PARD3B: variants seen among roughly 807,000 people sequenced by gnomAD.
PARD3B encodes the protein partitioning defective 3 homolog B.
Under a neutral mutation model 130.2 loss-of-function variants are expected in PARD3B, and 103 were observed. The observed-to-expected ratio is 0.79, with a 90% CI of 0.67 to 0.93. The LOEUF (loss-of-function observed/expected upper bound fraction) is 0.93. Among genes scored for constraint, PARD3B ranks in the 40% least tolerant of loss-of-function variants. PARD3B has a pLI of 0.00. For synonymous variants in PARD3B, 583 were observed against 553.2 expected (o/e 1.05, Z -0.76); for missense variants, 1,609 against 1,499.2 (o/e 1.07, Z -1.21).
At chr2:205,028,431 G>T (rs952825966) in intron 3 of PARD3B, among the ~76,000 whole-genome samples, 4 of 151,994 alleles carry the variant, frequency 2.6e-5, no homozygotes, top group Admixed American at 2.6e-4. Context: ...AACAAATTAG[G>T]TATAGAATGA....
intron 15 of PARD3B, among the ~76,000 whole-genome samples, chr2:205,220,316 C>T (rs1402936291): frequency 6.6e-6 from 1 of 152,192 alleles, no homozygotes; most frequent in Non-Finnish European, 1.5e-5. Flanking sequence ...CAGGCTCCCT[C>T]TCACACTGAG....
intron 21 of PARD3B, among the ~76,000 whole-genome samples, chr2:205,541,859 G>C (rs1183766625): frequency 2.0e-5 from 3 of 151,764 alleles, no homozygotes; most frequent in Non-Finnish European, 4.4e-5. Flanking sequence ...CACATGTTTG[G>C]CTGGCCAGAC....
intron 6 of PARD3B, among the ~76,000 whole-genome samples, chr2:205,113,988 C>A (rs931241028): frequency 2.0e-5 from 3 of 152,036 alleles, no homozygotes; most frequent in African/African-American, 4.8e-5. Context: ...AAGTATGTAG[C>A]ATTTAGAATA....
intron 2 of PARD3B, among the ~76,000 whole-genome samples, chr2:204,832,434 G>A (rs1559181106): frequency 6.6e-6 from 1 of 152,036 alleles, no homozygotes; most frequent in Non-Finnish European, 1.5e-5. Flanking sequence ...TTGAATCATC[G>A]CATGGTGTAT....
chr2:204,871,074 T>C (rs1278089864), intron 2 of PARD3B, among the ~76,000 whole-genome samples: 1 of 152,200 alleles, frequency 6.6e-6, no homozygotes, highest in African/African-American at 2.4e-5. Context: ...CATTAAAGTT[T>C]AGGGAAATGC....
intron 18 of PARD3B, among the ~76,000 whole-genome samples, chr2:205,369,436 G>A (rs975586112): frequency 6.6e-6 from 1 of 152,094 alleles, no homozygotes; most frequent in South Asian, 2.1e-4. Context: ...CTCACAGGCT[G>A]GCACACAGCT....
At chr2:204,588,307 G>A (rs992563078) in intron 1 of PARD3B, among the ~76,000 whole-genome samples, 4 of 152,280 alleles carry the variant, frequency 2.6e-5, no homozygotes, top group Non-Finnish European at 4.4e-5. Flanking sequence ...ATGAGATAAA[G>A]GTGGCCTGTA....
At chr2:204,659,973 G>A (rs2035749552) in intron 1 of PARD3B, among the ~76,000 whole-genome samples, 1 of 152,098 alleles carries the variant, frequency 6.6e-6, no homozygotes, top group African/African-American at 2.4e-5. Flanking sequence ...AAGACTTTGA[G>A]CCAAACTTAT....
chr2:205,546,110 CT>C (rs2052368066), intron 21 of PARD3B, among the ~76,000 whole-genome samples: 1 of 152,180 alleles, frequency 6.6e-6, no homozygotes, highest in African/African-American at 2.4e-5. Context: ...CTAAAAGCAC[CT>C]TAATTCAACA....
intron 2 of PARD3B, among the ~76,000 whole-genome samples, chr2:204,732,224 A>G (rs189176600): frequency 6.6e-6 from 1 of 152,146 alleles, no homozygotes; most frequent in Non-Finnish European, 1.5e-5. Flanking sequence ...AGATTGGATT[A>G]TGAAACTGGA....
chr2:204,938,465 C>T (rs1688637386), intron 2 of PARD3B, among the ~76,000 whole-genome samples: 1 of 152,188 alleles, frequency 6.6e-6, no homozygotes, highest in African/African-American at 2.4e-5. Context: ...GCTTAAATAT[C>T]ACCAATTCAG....
chr2:205,315,054 T>C (rs1219455455), intron 18 of PARD3B, among the ~76,000 whole-genome samples: 3 of 152,240 alleles, frequency 2.0e-5, no homozygotes, highest in African/African-American at 7.2e-5. Context: ...ACTTACTAAC[T>C]GATTTGCCTG....
intron 2 of PARD3B, among the ~76,000 whole-genome samples, chr2:204,811,440 G>C (rs1382096619): frequency 6.6e-6 from 1 of 152,058 alleles, no homozygotes; most frequent in Non-Finnish European, 1.5e-5. Flanking sequence ...ATGGTACCTG[G>C]CACAGAGTTT....
At chr2:205,354,425 G>A (rs540543306) in intron 18 of PARD3B, among the ~76,000 whole-genome samples, 6 of 151,590 alleles carry the variant, frequency 4.0e-5, no homozygotes, top group Admixed American at 1.3e-4. Context: ...AAGCCGGCAC[G>A]TTGTGCGCAT....
intron 2 of PARD3B, among the ~76,000 whole-genome samples, chr2:204,854,483 G>T (rs1368632463): frequency 2.0e-5 from 3 of 152,278 alleles, no homozygotes; most frequent in Admixed American, 1.3e-4. Context: ...TGATAACGAA[G>T]CAGAAAGTAT....
At chr2:205,424,544 T>G (rs2047078712) in intron 19 of PARD3B, among the ~76,000 whole-genome samples, 1 of 152,130 alleles carries the variant, frequency 6.6e-6, no homozygotes, top group African/African-American at 2.4e-5. Context: ...GTGAGTCGGC[T>G]TTGAGAGATA....
At chr2:204,608,380 TC>T (rs1238933523) in intron 1 of PARD3B, among the ~76,000 whole-genome samples, 1 of 152,194 alleles carries the variant, frequency 6.6e-6, no homozygotes, top group Non-Finnish European at 1.5e-5. Context: ...ATCTGCCCTT[TC>T]CCATTCTTCT....
chr2:205,297,872 A>G (rs2041852612), intron 16 of PARD3B, among the ~76,000 whole-genome samples: 1 of 152,186 alleles, frequency 6.6e-6, no homozygotes, highest in Non-Finnish European at 1.5e-5. Context: ...TAGTACTTCT[A>G]CTTTGTGACT....
At chr2:205,600,527 T>C (rs1338836633) in intron 22 of PARD3B, among the ~76,000 whole-genome samples, 1 of 152,208 alleles carries the variant, frequency 6.6e-6, no homozygotes, top group African/African-American at 2.4e-5. Flanking sequence ...AGTTCTAGGA[T>C]ACATGTGCAG....
Sources: gnomAD v4.1 joint callset for allele counts (sites outside exome capture counted in the v4.1 genomes callset) on GRCh38, gnomAD v4.1.1 for gene constraint, MANE v1.5 for transcripts, NCBI Gene and HGNC (gene_info 2026-07-23, HGNC 2026-07-21) for gene names.